Variants in ESPN observed in about 807,000 individuals in gnomAD.
The protein encoded by ESPN is autosomal recessive deafness type 36 protein.
A neutral mutation model predicts 77.7 loss-of-function variants in ESPN; 68 were observed. That is an observed-to-expected ratio of 0.87 (90% confidence interval 0.72 to 1.07). The LOEUF (loss-of-function observed/expected upper bound fraction) is 1.07, where lower values mean the gene tolerates loss of function less well. Among genes scored for constraint, ESPN ranks in the 50% least tolerant of loss-of-function variants. The probability of loss-of-function intolerance (pLI) is 0.00; values close to 1 mark genes in which losing one functional copy is unlikely to be tolerated. For missense variants in ESPN, 1,060 were observed against 1,239.0 expected (o/e 0.86, Z 2.17); for synonymous variants, 449 against 567.1 (o/e 0.79, Z 2.96).
chr1:6,432,886 G>C (rs1453383669), intron 2 of ESPN, among the ~76,000 whole-genome samples: 1 of 152,236 alleles, frequency 6.6e-6, no homozygotes, highest in East Asian at 1.9e-4. Context: ...ACTTTGGGAG[G>C]CTGAGGCGGG....
At chr1:6,429,104 G>T (rs1643148790) in intron 2 of ESPN, among the ~76,000 whole-genome samples, 1 of 151,684 alleles carries the variant, frequency 6.6e-6, no homozygotes, top group Middle Eastern at 3.4e-3. Flanking sequence ...GGGGAGGGAG[G>T]GAGGGAGGGA....
rs184469259 is a variant in ESPN at position 6,425,205 on chromosome 1, G to T, written c.250G>T (p.Ala84Ser). The T allele has an allele frequency of 7.6e-4, 1,181 of 1,551,716 alleles. 15 individuals carry two copies. The African/African-American group carries it at 0.014, about 18-fold the overall frequency. ...CGACGCCTCCGCCACCGGCCACCTC[G>T]CCTGCCTGCAGTGGCTGCTGTCGCA... ...AHDASATGHL[A>S]CLQWLLSQGG... is the part of the protein sequence containing the mutation. Residue 84 changes from alanine (A) to serine (S), a missense_variant, in exon 1 of 13, where the codon GCC (alanine) becomes TCC (serine). Physicochemically the swap from Ala to Ser is moderately conservative, Grantham distance 99. This residue lies in a region of ESPN where 556 missense variants were observed against 633.6 expected (regional missense o/e 0.88). Coordinates refer to ENST00000645284, the MANE Select transcript of ESPN (RefSeq NM_031475.3).
intron 1 of ESPN, among the ~76,000 whole-genome samples, chr1:6,426,078 G>A (rs949124275): frequency 6.6e-6 from 1 of 152,248 alleles, no homozygotes; most frequent in African/African-American, 2.4e-5. Flanking sequence ...TCTGGGTGTG[G>A]GGGCAGCCAT....
chr1:6,446,960 G>C (rs913308678), intron 7 of ESPN: 1 of 152,280 alleles, frequency 6.6e-6, no homozygotes, highest in Non-Finnish European at 1.5e-5. Context: ...CTTAGACCAA[G>C]CTCCCACAGT....
intron 2 of ESPN, among the ~76,000 whole-genome samples, chr1:6,436,808 G>C (rs1259072309): frequency 6.6e-6 from 1 of 152,044 alleles, no homozygotes; most frequent in Non-Finnish European, 1.5e-5. Context: ...ATTTCATTTT[G>C]GTCCTTATGC....
chr1:6,440,432 G>T lies in ESPN; in HGVS notation c.667G>T (p.Val223Leu), dbSNP rs1456264982. 6.4e-7 allele frequency: 1 copy of T among 1,565,090 alleles called. No individual in the cohort carries two copies. The change falls in exon 3 of 13, where the codon GTG (valine) becomes TTG (leucine). Residue 223 changes from valine to leucine, a missense_variant. By Grantham distance (32) the Val-to-Leu change is conservative (BLOSUM62 1). Around this residue, in one of 3 missense-constraint regions of ESPN, gnomAD observed 556 missense variants for 633.6 expected, o/e 0.88. Transcript: ENST00000645284. Reference sequence around the variant, plus strand: ...GCAGATGGGCCACAGCCCAGTCATCGTGTGGTTGGTGAGCTCCGGGCCCGG... The same window carrying T: ...GCAGATGGGCCACAGCCCAGTCATCTTGTGGTTGGTGAGCTCCGGGCCCGG... ...AAQMGHSPVI[V>L]WLVSCTDVSL...
intron 7 of ESPN, among the ~76,000 whole-genome samples, chr1:6,446,212 C>T (rs1643832301): frequency 6.6e-6 from 1 of 152,172 alleles, no homozygotes; most frequent in Non-Finnish European, 1.5e-5. Flanking sequence ...TGGGCCTGTG[C>T]CACCTCTTGC....
chr1:6,434,150 G>T (rs1393733055), intron 2 of ESPN, among the ~76,000 whole-genome samples: 5 of 152,144 alleles, frequency 3.3e-5, no homozygotes, highest in Non-Finnish European at 7.4e-5. Flanking sequence ...TGATCCGCCC[G>T]CCTCGGCCTC....
At chr1:6,448,147 G>T (rs1002773007) in intron 7 of ESPN, 1 of 152,638 alleles carries the variant, frequency 6.6e-6, no homozygotes, top group Non-Finnish European at 1.5e-5. Flanking sequence ...GGGCAACCGG[G>T]GTCCGTGGCA....
intron 2 of ESPN, among the ~76,000 whole-genome samples, chr1:6,430,231 G>A (rs1208053296): frequency 1.3e-5 from 2 of 152,206 alleles, no homozygotes; most frequent in African/African-American, 4.8e-5. Flanking sequence ...GTGAATCGTT[G>A]TGAATTATTC....
chr1:6,451,391 G>A lies in ESPN; in HGVS notation c.1916-212G>A, dbSNP rs926472809. On this transcript the variant is annotated intron_variant, in intron 8 of 12. Transcript: ENST00000645284. The surrounding 1 kb of genome is among the most constrained non-coding windows in gnomAD (Gnocchi z 4.3). ...ATCCCGTGAGTAGGGTGGGGAAGAT[G>A]GTGGGGTTGCCACAGTCAGGGAACC... 4.7e-5 allele frequency: 30 copies of A among 640,774 alleles called. No homozygotes were observed. The Middle Eastern group carries it at 2.5e-3, about 54-fold the overall frequency. 39.7% of individuals were successfully genotyped at this position (640,774 alleles called of 1,614,324 possible). A position where few individuals can be genotyped will look rare whatever the true frequency, so the allele number is the denominator to read the frequency against.
Position 6,454,658 on chromosome 1 carries a change from C to A in ESPN, c.2326-2526C>A, listed in dbSNP as rs1056696504. On this transcript the variant is annotated intron_variant, in intron 10 of 12. Transcript: ENST00000645284. ...AGCAGCTGCTGCCCATCTCGGCCGC[C>A]CTGTCGGCGCCGCGCTTCACCGTCG... is the stretch of plus-strand genomic sequence containing the variant. 4 of 398,764 alleles carry A rather than the reference C, an allele frequency of 1.0e-5. No individual in the cohort carries two copies. In the Admixed American group the frequency reaches 1.8e-4, roughly 18 times the overall value. 24.7% of individuals were successfully genotyped at this position (398,764 alleles called of 1,614,324 possible). A position where few individuals can be genotyped will look rare whatever the true frequency, so the allele number is the denominator to read the frequency against.
intron 10 of ESPN, chr1:6,455,126 G>A (rs1472758997): frequency 5.2e-6 from 2 of 387,234 alleles, no homozygotes; most frequent in Non-Finnish European, 9.1e-6. Context: ...CCCACGGCCC[G>A]CTGGTCGACT....
chr1:6,431,485 G>A (rs908710061), intron 2 of ESPN, among the ~76,000 whole-genome samples: 1 of 152,120 alleles, frequency 6.6e-6, no homozygotes, highest in Non-Finnish European at 1.5e-5. Context: ...GCCGGGCTAT[G>A]CCTGTACAGG....
chr1:6,436,498 T>C (rs1324614589), intron 2 of ESPN, among the ~76,000 whole-genome samples: 1 of 151,258 alleles, frequency 6.6e-6, no homozygotes, highest in African/African-American at 2.4e-5. Context: ...TATTTATTTA[T>C]TTATTTATTT....
At chr1:6,430,653 C>A (rs986585865) in intron 2 of ESPN, among the ~76,000 whole-genome samples, 4 of 152,184 alleles carry the variant, frequency 2.6e-5, no homozygotes, top group Admixed American at 1.3e-4. Context: ...TGCCTGTAAT[C>A]CCAGCTACTC....
downstream of ESPN, chr1:6,461,212 C>T (rs894110616): frequency 1.5e-5 from 11 of 729,926 alleles, no homozygotes; most frequent in Non-Finnish European, 1.8e-5. The surrounding 1 kb of genome is among the most constrained non-coding windows in gnomAD (Gnocchi z 6.3). Flanking sequence ...AAACTCCGGC[C>T]GAGAAGTTGA....
At chr1:6,455,038 C>A in intron 10 of ESPN, 1 of 379,568 alleles carries the variant, frequency 2.6e-6, no homozygotes, top group Non-Finnish European at 4.7e-6. Flanking sequence ...CCGCAGTCCG[C>A]TGGCGCCCCG....
At position 6,425,073 on chromosome 1, in the gene ESPN, G is replaced by T; in HGVS notation, c.118G>T (p.Val40Leu). The change falls in exon 1 of 13, where the codon GTG (valine) becomes TTG (leucine). Residue 40 changes from valine to leucine, a missense_variant. Val to Leu is a conservative substitution (Grantham distance 32). Transcript: ENST00000645284. ...SLRDPLDALP[V>L]HHAARAGKLH... is the part of the protein sequence containing the mutation. ...GCGCGACCCGCTGGACGCGCTGCCC[G>T]TGCACCACGCGGCCCGCGCTGGGAA... 1 of 1,486,600 alleles carries T rather than the reference G, an allele frequency of 6.7e-7. No individual in the cohort carries two copies. Among genetic ancestry groups the T allele is most frequent in the Non-Finnish European group, 8.9e-7 (1 of 1,126,436 alleles). 92.1% of individuals were successfully genotyped at this position (1,486,600 alleles called of 1,614,324 possible). A position where few individuals can be genotyped will look rare whatever the true frequency, so the allele number is the denominator to read the frequency against.
Sources: allele counts gnomAD v4.1 joint callset (sites outside exome capture counted in the v4.1 genomes callset), GRCh38; gene constraint gnomAD v4.1.1; regional missense constraint gnomAD v4.1.1; non-coding constraint Gnocchi (gnomAD v3.1); transcripts MANE v1.5; gene names NCBI Gene and HGNC (gene_info 2026-07-23, HGNC 2026-07-21).